PLA1A: variants seen among roughly 807,000 people sequenced by gnomAD.
PLA1A encodes the protein phosphatidylserine-specific phospholipase A1alpha.
Under a neutral mutation model 49.4 loss-of-function variants are expected in PLA1A, and 47 were observed. The ratio of observed to expected loss-of-function variants is 0.95; its 90% CI spans 0.75 to 1.21. The LOEUF (loss-of-function observed/expected upper bound fraction) is 1.21, where lower values mean the gene tolerates loss of function less well. Ranked by LOEUF, PLA1A falls within the 50% of genes most tolerant of loss-of-function variation. PLA1A has a pLI of 0.00. For synonymous variants in PLA1A, 224 were observed against 207.9 expected, an observed-to-expected ratio of 1.08 and a Z score of -0.67; for missense variants, 561 against 563.9, an observed-to-expected ratio of 0.99 and a Z score of 0.05.
At chr3:119,617,748 AAAAAG>A (rs1158078922) in intron 6 of PLA1A, among the ~76,000 whole-genome samples, 7 of 151,534 alleles carry the variant, frequency 4.6e-5, no homozygotes, top group Non-Finnish European at 1.5e-5. Context: ...GTCTCAAAAA[AAAAAG>A]AAAAGAAAAG....
At chr3:119,617,408 A>C (rs1444860182) in intron 6 of PLA1A, among the ~76,000 whole-genome samples, 2 of 152,022 alleles carry the variant, frequency 1.3e-5, no homozygotes, top group African/African-American at 4.8e-5. Context: ...TCAACTCTCT[A>C]TATATTCCCA....
At chr3:119,621,721 C>A (rs1331106888) in intron 8 of PLA1A, among the ~76,000 whole-genome samples, 1 of 152,176 alleles carries the variant, frequency 6.6e-6, no homozygotes, top group Non-Finnish European at 1.5e-5. Context: ...GATGAGGGAA[C>A]TGAGGCATGG....
intron 5 of PLA1A, among the ~76,000 whole-genome samples, chr3:119,614,439 T>TA (rs905735121): frequency 2.0e-5 from 3 of 151,294 alleles, no homozygotes; most frequent in Admixed American, 1.3e-4. Flanking sequence ...CCGTCTCTAC[T>TA]AAAAAAAATA....
At chr3:119,615,726 G>A (rs953170011) in intron 5 of PLA1A, among the ~76,000 whole-genome samples, 1 of 152,040 alleles carries the variant, frequency 6.6e-6, no homozygotes, top group Admixed American at 6.5e-5. Context: ...CAGGAGAATC[G>A]CTTGAATCCG....
intron 5 of PLA1A, among the ~76,000 whole-genome samples, chr3:119,615,777 C>G (rs1797843): frequency 0.12 from 18,695 of 151,686 alleles, 2,473 homozygotes; most frequent in African/African-American, 0.33. Context: ...CGCCACTGCA[C>G]TCCAGCCTGG....
Position 119,629,524 on chromosome 3 carries a change from G to A in PLA1A, c.*56G>A, listed in dbSNP as rs1293000149. 1 of 864,608 alleles carries A rather than the reference G, an allele frequency of 1.2e-6. No homozygotes were observed. The highest frequency in any genetic ancestry group is 1.7e-5 in the Admixed American group (1 of 57,720). The allele number at this position is 864,608 out of a possible 1,614,324, so 53.6% of individuals were successfully genotyped here. A position where few individuals can be genotyped will look rare whatever the true frequency, so the allele number is the denominator to read the frequency against. On this transcript the variant is annotated 3_prime_UTR_variant, in exon 11 of 11. Coordinates refer to ENST00000273371, the MANE Select transcript of PLA1A (RefSeq NM_015900.4). ...TTTTTTTTTTTTTTTTGAGAGAGAG[G>A]TGTGATGAGGGATGTGTGTGTGCAG...
rs778305760 is a variant in PLA1A, at chr3:119,618,108, T to C, written c.844T>C (p.Cys282Arg). Residue 282 changes from cysteine (C) to arginine (R), a missense_variant, in exon 7 of 11, where the codon TGT becomes CGT. Physicochemically the swap from Cys to Arg is radical, Grantham distance 180. Transcript: ENST00000273371. ...TTCCTGTCCACTGATGGCCTTTCCC[T>C]GTGCCAGCTACAAGGCCTTCCTTGC... is the stretch of plus-strand genomic sequence containing the variant. ...ENSCPLMAFP[C>R]ASYKAFLAGR... 1.2e-6 allele frequency: 2 copies of C among 1,614,050 alleles called. No homozygotes were observed. The highest frequency in any genetic ancestry group is 2.2e-5 in the East Asian group (1 of 44,880).
At chr3:119,628,637 CA>C in intron 9 of PLA1A, 63 bp from the exon 10 acceptor site, 1 of 1,504,070 alleles carries the variant, frequency 6.6e-7, no homozygotes, top group African/African-American at 1.4e-5. Context: ...CGATCGGAGC[CA>C]AAGGGGAAGT....
intron 8 of PLA1A, among the ~76,000 whole-genome samples, chr3:119,621,644 CT>C (rs2082934504): frequency 6.6e-6 from 1 of 152,182 alleles, no homozygotes; most frequent in Non-Finnish European, 1.5e-5. Flanking sequence ...CATAGTGTAC[CT>C]TTTCTCCATT....
At chr3:119,615,954 T>A in intron 5 of PLA1A, 58 bp from the exon 6 acceptor site, 1 of 1,113,308 alleles carries the variant, frequency 9.0e-7, no homozygotes, top group Admixed American at 1.8e-5. Context: ...GAGTTTGAGG[T>A]CCGCTGTGAG....
At chr3:119,606,331 A>T (rs2082687805) in intron 1 of PLA1A, among the ~76,000 whole-genome samples, 1 of 152,132 alleles carries the variant, frequency 6.6e-6, no homozygotes. Context: ...TCTGTGTCCA[A>T]ATTTCCTCTT....
intron 6 of PLA1A, among the ~76,000 whole-genome samples, chr3:119,617,438 C>T (rs1003673808): frequency 2.0e-5 from 3 of 151,936 alleles, no homozygotes; most frequent in South Asian, 2.1e-4. Flanking sequence ...GGAGAGTTTG[C>T]ATGATCATAT....
intron 4 of PLA1A, among the ~76,000 whole-genome samples, chr3:119,610,686 A>C (rs2082753524): frequency 6.6e-6 from 1 of 152,082 alleles, no homozygotes; most frequent in Non-Finnish European, 1.5e-5. Flanking sequence ...GATTTGTTCA[A>C]GTTCCTTATA....
chr3:119,616,119 A>AT lies in PLA1A; in HGVS notation c.754+19dup. The AT allele has an allele frequency of 6.4e-7, 1 of 1,559,298 alleles. No individual in the cohort carries two copies. Among genetic ancestry groups the AT allele is most frequent in the African/African-American group, 1.4e-5 (1 of 73,914 alleles). On this transcript the variant is annotated intron_variant, in intron 6 of 10. Coordinates refer to ENST00000273371, the MANE Select transcript of PLA1A (RefSeq NM_015900.4). ...TTACGCAGGTCAGAAAGCCAGTACA[A>AT]TCTGGTATTTGGCAACCCCGGAGAT...
Position 119,606,755 on chromosome 3 carries a change from T to A in PLA1A, c.74-19T>A. The A allele has an allele frequency of 6.2e-7, 1 of 1,605,824 alleles. No individual in the cohort carries two copies. The highest frequency in any genetic ancestry group is 8.5e-7 in the Non-Finnish European group (1 of 1,173,342). On this transcript the variant is annotated intron_variant, in intron 1 of 10. Transcript: ENST00000273371. ...GACCTCACCTTGGATGTTGCTTGTT[T>A]TGTTTTGTTTTCCTCCAGGGGATGC... is the stretch of plus-strand genomic sequence containing the variant.
intron 1 of PLA1A, among the ~76,000 whole-genome samples, chr3:119,604,572 A>T (rs1243389643): frequency 1.3e-5 from 2 of 152,206 alleles, no homozygotes; most frequent in Non-Finnish European, 2.9e-5. Flanking sequence ...ATTCATGATG[A>T]TAGAGAGTAG....
chr3:119,601,460 A>G lies in PLA1A; in HGVS notation c.73+3474A>G, dbSNP rs554034680. ...GTCAAAGACTCAAGAATAGAAAACTATAGGCTATTTTCAGACTCAGACAAG... is the reference window on the plus strand; with the variant it reads ...GTCAAAGACTCAAGAATAGAAAACTGTAGGCTATTTTCAGACTCAGACAAG... On this transcript the variant is annotated intron_variant, in intron 1 of 10. Coordinates refer to ENST00000273371, the MANE Select transcript of PLA1A (RefSeq NM_015900.4). Among the ~76,000 whole-genome samples, 26 of 152,312 alleles carry G rather than the reference A, an allele frequency of 1.7e-4. 1 individual carries two copies. The South Asian group carries it at 4.8e-3, about 28-fold the overall frequency.
At chr3:119,605,896 C>G (rs2082679785) in intron 1 of PLA1A, among the ~76,000 whole-genome samples, 1 of 152,156 alleles carries the variant, frequency 6.6e-6, no homozygotes, top group Non-Finnish European at 1.5e-5. Flanking sequence ...TGAGACTTGT[C>G]AAGGCTCTTC....
chr3:119,618,237 C>T (rs753475721), intron 7 of PLA1A, 51 bp downstream of exon 7: 76 of 1,463,480 alleles, frequency 5.2e-5, no homozygotes, highest in Non-Finnish European at 7.1e-5. Flanking sequence ...AAGTTCAAGC[C>T]CTGCTAGTTG....
Sources: gnomAD v4.1 joint callset for allele counts (sites outside exome capture counted in the v4.1 genomes callset) on GRCh38, gnomAD v4.1.1 for gene constraint, MANE v1.5 for transcripts, NCBI Gene and HGNC (gene_info 2026-07-23, HGNC 2026-07-21) for gene names.